Variants in ANKIB1 observed in about 807,000 individuals in gnomAD.
The protein encoded by ANKIB1 is ankyrin repeat and IBR domain containing 1.
ANKIB1 carries 43 observed loss-of-function variants against 122.1 expected under a neutral mutation model. That is an observed-to-expected ratio of 0.35 (90% CI 0.28 to 0.45). The LOEUF (loss-of-function observed/expected upper bound fraction) is 0.45, where lower values mean the gene tolerates loss of function less well. Among genes scored for constraint, ANKIB1 ranks in the 20% least tolerant of loss-of-function variants. The pLI is 1.00. For synonymous variants in ANKIB1, 390 were observed against 442.0 expected (o/e 0.88, Z 1.48); for missense variants, 992 against 1,329.5 (o/e 0.75, Z 3.95).
intron 5 of ANKIB1, among the ~76,000 whole-genome samples, chr7:92,340,497 A>G (rs922979020): frequency 9.2e-5 from 14 of 152,230 alleles, no homozygotes; most frequent in Non-Finnish European, 1.5e-4. Context: ...TGGCCCTAAT[A>G]TGACTGGCCA....
chr7:92,299,892 G>A (rs1333596556), intron 2 of ANKIB1, among the ~76,000 whole-genome samples: 1 of 151,738 alleles, frequency 6.6e-6, no homozygotes, highest in Non-Finnish European at 1.5e-5. Flanking sequence ...CTGCAGCCTC[G>A]ACCTCAGGCT....
chr7:92,264,467 G>C (rs929574992), intron 1 of ANKIB1, among the ~76,000 whole-genome samples: 2 of 151,724 alleles, frequency 1.3e-5, no homozygotes, highest in Non-Finnish European at 2.9e-5. Context: ...GCGTGTTGTC[G>C]GCTCACCACA....
intron 1 of ANKIB1, among the ~76,000 whole-genome samples, chr7:92,284,270 A>G (rs142596740): frequency 7.3e-4 from 111 of 152,264 alleles, no homozygotes; most frequent in African/African-American, 2.3e-3. Context: ...TGTACTGGGG[A>G]GTCAGGGCAC....
chr7:92,369,940 T>TA (rs539718074), intron 10 of ANKIB1, among the ~76,000 whole-genome samples: 19 of 152,238 alleles, frequency 1.2e-4, no homozygotes, highest in Non-Finnish European at 2.2e-4. Context: ...TTAGAATCTT[T>TA]AAAAACCATG....
At chr7:92,327,667 A>G (rs900655078) in intron 4 of ANKIB1, 116 bp from the exon 5 acceptor site, 18 of 470,996 alleles carry the variant, frequency 3.8e-5, no homozygotes, top group Admixed American at 8.6e-5. Context: ...AGTTGATCCA[A>G]TCCGTGGAAT....
At chr7:92,376,225 G>C (rs535084425) in intron 11 of ANKIB1, among the ~76,000 whole-genome samples, 45 of 152,160 alleles carry the variant, frequency 3.0e-4, no homozygotes, top group African/African-American at 9.9e-4. Flanking sequence ...CCCGTAACAA[G>C]AGTCAGCCCA....
chr7:92,261,856 G>A (rs753478422), intron 1 of ANKIB1, among the ~76,000 whole-genome samples: 1 of 152,160 alleles, frequency 6.6e-6, no homozygotes, highest in Non-Finnish European at 1.5e-5. Flanking sequence ...GTCAGATCAT[G>A]TTTTGAATCA....
At chr7:92,355,575 T>A (rs982934717) in intron 9 of ANKIB1, among the ~76,000 whole-genome samples, 1 of 151,954 alleles carries the variant, frequency 6.6e-6, no homozygotes, top group Non-Finnish European at 1.5e-5. Flanking sequence ...TGGTGCCAGG[T>A]GTGGTGGCTC....
At position 92,400,632 on chromosome 7, in the gene ANKIB1, A is replaced by G. The variant is rs1432499445; in HGVS notation, c.*1683A>G. ...CTTTTGAAATATCCTTGTACTTAAA[A>G]TTCATATTGCTAAGACACTGTATTA... On this transcript the variant is annotated 3_prime_UTR_variant, in exon 20 of 20. Transcript: ENST00000265742. 2 of 152,056 alleles carry G rather than the reference A, an allele frequency of 1.3e-5. No homozygotes were observed. The highest frequency in any genetic ancestry group is 2.9e-5 in the Non-Finnish European group (2 of 68,002). 9.4% of individuals were successfully genotyped at this position (152,056 alleles called of 1,614,324 possible).
In ANKIB1 at chr7:92,310,445, A is replaced by G. The variant is rs150707520; in HGVS notation, c.486+2789A>G. Reference sequence around the variant, plus strand: ...TACTTGAGTATATATACTCTTGTCCAACCTTAGGCCCTTAATGATTTTCTA... The same window carrying G: ...TACTTGAGTATATATACTCTTGTCCGACCTTAGGCCCTTAATGATTTTCTA... On this transcript the variant is annotated intron_variant, in intron 3 of 19. Coordinates refer to ENST00000265742, the MANE Select transcript of ANKIB1 (RefSeq NM_019004.2). 3.5e-4 allele frequency among the ~76,000 whole-genome samples: 53 copies of G among 152,260 alleles called. 2 individuals carry two copies. In the East Asian group the frequency reaches 8.9e-3, roughly 25 times the overall value.
At chr7:92,340,357 G>C (rs1188401784) in intron 5 of ANKIB1, among the ~76,000 whole-genome samples, 1 of 152,136 alleles carries the variant, frequency 6.6e-6, no homozygotes, top group Admixed American at 6.5e-5. Context: ...AGTCAGCATG[G>C]CACTTGTTCA....
rs373544116 is a variant in ANKIB1 at position 92,392,984 on chromosome 7, C to T, written c.2283+692C>T. Among the ~76,000 whole-genome samples the T allele has an allele frequency of 3.2e-4, 48 of 152,150 alleles. 1 individual carries two copies. The highest frequency in any genetic ancestry group is 9.9e-4 in the African/African-American group (41 of 41,548). ...GTTGAGTCTGATTTTAAAATGGTTTCAGCAGTTCTCTCTACTTCTCTCTTT... is the reference window on the plus strand; with the variant it reads ...GTTGAGTCTGATTTTAAAATGGTTTTAGCAGTTCTCTCTACTTCTCTCTTT... On this transcript the variant is annotated intron_variant, in intron 17 of 19. Coordinates refer to ENST00000265742, the MANE Select transcript of ANKIB1 (RefSeq NM_019004.2).
chr7:92,301,096 A>G (rs1176911907), intron 2 of ANKIB1, among the ~76,000 whole-genome samples: 2 of 152,230 alleles, frequency 1.3e-5, no homozygotes, highest in East Asian at 1.9e-4. Context: ...TCACCCACTG[A>G]TGGATATTTA....
In ANKIB1 at chr7:92,373,759, A is replaced by T. The variant is rs190363394; in HGVS notation, c.1617+2152A>T. Among the ~76,000 whole-genome samples, 259 of 152,340 alleles carry T rather than the reference A, an allele frequency of 1.7e-3. 1 individual carries two copies. In the Middle Eastern group the frequency reaches 0.017, roughly 10 times the overall value. On this transcript the variant is annotated intron_variant, in intron 11 of 19. Coordinates refer to ENST00000265742, the MANE Select transcript of ANKIB1 (RefSeq NM_019004.2). The stretch of plus-strand genomic sequence containing the variant: ...CTTTACTAATGCCTCAGCATTGATT[A>T]TGTATGATTCAGTAGGCAGTTTTTA...
intron 4 of ANKIB1, chr7:92,326,072 T>C: frequency 3.4e-6 from 1 of 293,786 alleles, no homozygotes; most frequent in South Asian, 3.4e-5. Context: ...GAGCAATGTG[T>C]TGAAATGCTT....
At chr7:92,387,736 A>C (rs1163562994) in intron 12 of ANKIB1, 62 bp from the exon 13 acceptor site, 2 of 1,310,748 alleles carry the variant, frequency 1.5e-6, no homozygotes, top group East Asian at 2.3e-5. Context: ...TGATTCCCCC[A>C]AAAAACTATT....
chr7:92,246,858 A>T (rs1195267265), intron 1 of ANKIB1, among the ~76,000 whole-genome samples: 2 of 152,080 alleles, frequency 1.3e-5, no homozygotes, highest in Non-Finnish European at 2.9e-5. Context: ...GTGGAAAGCC[A>T]CGGGTTCTGC....
chr7:92,327,867 C>G lies in ANKIB1; in HGVS notation c.754C>G (p.Leu252Val). The G allele has an allele frequency of 6.3e-7, 1 of 1,592,246 alleles. No homozygotes were observed. Residue 252 changes from leucine (L) to valine (V), a missense_variant, in exon 5 of 20, where the codon CTC becomes GTC. Leu to Val is a conservative substitution (Grantham distance 32, BLOSUM62 1). Around this residue, in one of 4 missense-constraint regions of ANKIB1, gnomAD observed 521 missense variants for 777.7 expected, o/e 0.67. Transcript: ENST00000265742. ...AACTGCAGACATGCTTCAGGCTCCT[C>G]TCTTTACTGCTGAAGCTTTACTTCG... ...VETADMLQAP[L>V]FTAEALLRAH...
intron 2 of ANKIB1, among the ~76,000 whole-genome samples, chr7:92,303,482 G>A (rs535220524): frequency 6.6e-6 from 1 of 152,068 alleles, no homozygotes; most frequent in Non-Finnish European, 1.5e-5. Context: ...TTTACAAAGT[G>A]TATTCACCTA....
Sources: gnomAD v4.1 joint callset for allele counts (sites outside exome capture counted in the v4.1 genomes callset) on GRCh38, gnomAD v4.1.1 for gene constraint, gnomAD v4.1.1 regional missense constraint, MANE v1.5 for transcripts, NCBI Gene and HGNC (gene_info 2026-07-23, HGNC 2026-07-21) for gene names.